SOX5: variants seen among roughly 807,000 people sequenced by gnomAD.
SOX5 encodes transcription factor SOX-5.
Under a neutral mutation model 92.0 loss-of-function variants are expected in SOX5, and 9 were observed. The ratio of observed to expected loss-of-function variants is 0.10; its 90% confidence interval spans 0.06 to 0.17. The LOEUF is 0.17. Ranked by LOEUF, SOX5 falls within the 10% of genes least tolerant of loss-of-function variation. The pLI, the probability that SOX5 is intolerant of heterozygous loss-of-function variation, is 1.00. For synonymous variants in SOX5, 344 were observed against 336.3 expected (o/e 1.02, Z -0.25); for missense variants, 642 against 944.5 (o/e 0.68, Z 4.20).
rs1964939273 is a variant in SOX5, at chr12:24,415,925, C to CAA, written c.-250-47288_-250-47287dup. Among the ~76,000 whole-genome samples, 3 of 152,294 alleles carry CAA rather than the reference C, an allele frequency of 2.0e-5. No individual in the cohort carries two copies. The South Asian group carries it at 6.2e-4, about 32-fold the overall frequency. Reference sequence around the variant, plus strand: ...CCAGAATGACAGGAAAGGGGCTTAACAACAAAACACAGGTTGTGCGTCAAC... The same window carrying CAA: ...CCAGAATGACAGGAAAGGGGCTTAACAAAACAAAACACAGGTTGTGCGTCAAC... On this transcript the variant is annotated intron_variant, in intron 1 of 4. Transcript: ENST00000446891.
At chr12:23,967,966 A>C (rs143263847) in intron 4 of SOX5, among the ~76,000 whole-genome samples, 181 of 152,334 alleles carry the variant, frequency 1.2e-3, no homozygotes, top group African/African-American at 4.2e-3. Context: ...GCAAAGCTCT[A>C]TTACAAAGCA....
intron 2 of SOX5, among the ~76,000 whole-genome samples, chr12:24,336,186 C>T (rs1430000194): frequency 6.6e-6 from 1 of 151,490 alleles, no homozygotes; most frequent in Non-Finnish European, 1.5e-5. Context: ...ACTCCATCTC[C>T]CAGGTTCATG....
intron 1 of SOX5, among the ~76,000 whole-genome samples, chr12:23,947,825 A>C (rs192400696): frequency 6.6e-6 from 1 of 152,176 alleles, no homozygotes; most frequent in East Asian, 1.9e-4. Flanking sequence ...AATAAAGTTC[A>C]CAGCAGGAAG....
chr12:24,105,806 G>C (rs187121365), intron 4 of SOX5, among the ~76,000 whole-genome samples: 3 of 152,218 alleles, frequency 2.0e-5, no homozygotes, highest in Admixed American at 2.0e-4. Flanking sequence ...TTCTGATAGG[G>C]AAAGCATTCA....
intron 3 of SOX5, among the ~76,000 whole-genome samples, chr12:23,839,276 G>C (rs1414170843): frequency 1.3e-5 from 2 of 151,986 alleles, no homozygotes; most frequent in African/African-American, 4.8e-5. Flanking sequence ...AAGAGTCTAT[G>C]TATCCACTTA....
intron 6 of SOX5, among the ~76,000 whole-genome samples, chr12:23,667,090 G>A (rs1398081662): frequency 6.6e-6 from 1 of 152,022 alleles, no homozygotes; most frequent in Admixed American, 6.6e-5. Context: ...GGGGAGGAGA[G>A]GGAGGGTGAA....
At chr12:23,972,878 AC>A (rs1466879730) in intron 4 of SOX5, among the ~76,000 whole-genome samples, 1 of 152,136 alleles carries the variant, frequency 6.6e-6, no homozygotes, top group Non-Finnish European at 1.5e-5. Flanking sequence ...TATTACTGTG[AC>A]CACCATGCAG....
rs554677598 is a variant in SOX5 at position 24,197,740 on chromosome 12, T to G, written c.-2+15603A>C. Among the ~76,000 whole-genome samples, 17 of 152,132 alleles carry G rather than the reference T, an allele frequency of 1.1e-4. No homozygotes were observed. In the East Asian group the frequency reaches 3.3e-3, roughly 30 times the overall value. On this transcript the variant is annotated intron_variant, in intron 4 of 4. Transcript: ENST00000446891. Reference sequence around the variant, plus strand: ...CATTAGCATGAAGATGTGCCCCCAGTGTGGAGGAAGAGAGAGTTAGAAGTC... The same window carrying G: ...CATTAGCATGAAGATGTGCCCCCAGGGTGGAGGAAGAGAGAGTTAGAAGTC...
chr12:24,555,037 C>A, intron 1 of SOX5, among the ~76,000 whole-genome samples: 1 of 152,248 alleles, frequency 6.6e-6, no homozygotes, highest in Non-Finnish European at 1.5e-5. Context: ...CGAAGGACTG[C>A]TCATGGCAGT....
chr12:24,136,458 C>A (rs1171619793), intron 4 of SOX5, among the ~76,000 whole-genome samples: 1 of 152,236 alleles, frequency 6.6e-6, no homozygotes, highest in Non-Finnish European at 1.5e-5. Flanking sequence ...TTTGTCATTA[C>A]TAGCTATGTA....
rs560498523 is a variant in SOX5, at chr12:23,863,532, C to T, written c.271-17339G>A. Among the ~76,000 whole-genome samples, 150 of 152,128 alleles carry T rather than the reference C, an allele frequency of 9.9e-4. 2 individuals carry two copies. Among genetic ancestry groups the T allele is most frequent in the East Asian group, 3.3e-3 (17 of 5,182 alleles). On this transcript the variant is annotated intron_variant, in intron 2 of 14. Coordinates refer to ENST00000451604, the MANE Select transcript of SOX5 (RefSeq NM_006940.6). ...ACTATTGTGTCATATGGCTTCTCAT[C>T]GGAATAAAATACTTAATTGTTTTAA... is the stretch of plus-strand genomic sequence containing the variant.
chr12:24,342,682 C>A (rs1825482629), intron 2 of SOX5, among the ~76,000 whole-genome samples: 1 of 152,166 alleles, frequency 6.6e-6, no homozygotes, highest in Non-Finnish European at 1.5e-5. Context: ...TTGTTTGGGC[C>A]ACTTCAACAG....
At chr12:24,027,874 C>T (rs1955053089) in intron 4 of SOX5, among the ~76,000 whole-genome samples, 2 of 151,850 alleles carry the variant, frequency 1.3e-5, no homozygotes. Flanking sequence ...CGAAACCAGT[C>T]ACAACAGACT....
At chr12:23,938,764 C>T (rs1943085327) in intron 1 of SOX5, among the ~76,000 whole-genome samples, 1 of 150,936 alleles carries the variant, frequency 6.6e-6, no homozygotes, top group Non-Finnish European at 1.5e-5. Context: ...GAGGAAACTA[C>T]AGTTGCATTG....
intron 6 of SOX5, among the ~76,000 whole-genome samples, chr12:23,698,482 T>C (rs2090185868): frequency 6.6e-6 from 1 of 152,220 alleles, no homozygotes; most frequent in South Asian, 2.1e-4. Context: ...TTTTCAGATC[T>C]CTGATATTGT....
intron 2 of SOX5, among the ~76,000 whole-genome samples, chr12:24,348,744 A>G (rs1953671965): frequency 2.0e-5 from 3 of 152,074 alleles, no homozygotes; most frequent in Admixed American, 2.0e-4. Context: ...CTTGAATTGT[A>G]GCTCCCATAA....
chr12:24,441,835 G>A (rs970040861), intron 1 of SOX5, among the ~76,000 whole-genome samples: 1 of 152,080 alleles, frequency 6.6e-6, no homozygotes, highest in African/African-American at 2.4e-5. Context: ...TGTTGGAACG[G>A]CACTCTGCAT....
chr12:24,465,954 G>A (rs375760376), intron 1 of SOX5, among the ~76,000 whole-genome samples: 1 of 152,058 alleles, frequency 6.6e-6, no homozygotes. Flanking sequence ...TACCACCTTC[G>A]TCTACTAATA....
At chr12:24,001,330 G>A (rs1224787939) in intron 4 of SOX5, among the ~76,000 whole-genome samples, 4 of 151,996 alleles carry the variant, frequency 2.6e-5, no homozygotes, top group African/African-American at 9.7e-5. Context: ...GAACCCAACT[G>A]ATCCTCCTAC....
Sources: allele counts gnomAD v4.1 joint callset (sites outside exome capture counted in the v4.1 genomes callset), GRCh38; gene constraint gnomAD v4.1.1; transcripts MANE v1.5; gene names NCBI Gene and HGNC (gene_info 2026-07-23, HGNC 2026-07-21).